XYLT1: variants seen among roughly 807,000 people sequenced by gnomAD.
XYLT1 encodes the protein xylosyltransferase 1, also known as beta-D-xylosyltransferase 1.
In XYLT1, 36 loss-of-function variants were observed where a neutral mutation model predicts 91.3. The observed-to-expected ratio is 0.39, with a 90% CI of 0.30 to 0.52. The LOEUF is 0.52. Ranked by LOEUF, XYLT1 falls within the 20% of genes least tolerant of loss-of-function variation. The pLI, the probability that XYLT1 is intolerant of heterozygous loss-of-function variation, is 0.68. For missense variants in XYLT1, 1,242 were observed against 1,284.5 expected (o/e 0.97, Z 0.51); for synonymous variants, 588 against 532.0 (o/e 1.11, Z -1.45).
intron 3 of XYLT1, among the ~76,000 whole-genome samples, chr16:17,205,644 G>T (rs769352741): frequency 1.3e-5 from 2 of 152,112 alleles, no homozygotes; most frequent in Non-Finnish European, 2.9e-5. Flanking sequence ...CGATGATCAG[G>T]ATTTAACCAA....
At chr16:17,129,577 A>AT (rs1028230350) in intron 9 of XYLT1, among the ~76,000 whole-genome samples, 3 of 151,990 alleles carry the variant, frequency 2.0e-5, no homozygotes, top group African/African-American at 7.3e-5. Flanking sequence ...AAAGCTTTTT[A>AT]TTTCCATAGG....
chr16:17,120,387 TC>T (rs2030005114), intron 10 of XYLT1, among the ~76,000 whole-genome samples: 1 of 151,942 alleles, frequency 6.6e-6, no homozygotes, highest in South Asian at 2.1e-4. Flanking sequence ...TCTATCCCTC[TC>T]CCTCCCTTCC....
At chr16:17,118,285 C>CGAAAAT (rs146083737) in intron 10 of XYLT1, among the ~76,000 whole-genome samples, 1 of 151,352 alleles carries the variant, frequency 6.6e-6, no homozygotes, top group Admixed American at 6.6e-5. Flanking sequence ...AATGAATGAA[C>CGAAAAT]GAATGAATGA....
chr16:17,224,616 T>C (rs1197100941), intron 3 of XYLT1, among the ~76,000 whole-genome samples: 2 of 152,168 alleles, frequency 1.3e-5, no homozygotes, highest in Non-Finnish European at 2.9e-5. Flanking sequence ...CTTGGGCAAA[T>C]GGCTTCATGA....
chr16:17,231,561 G>A (rs1193715602), intron 3 of XYLT1, among the ~76,000 whole-genome samples: 1 of 152,176 alleles, frequency 6.6e-6, no homozygotes, highest in African/African-American at 2.4e-5. Context: ...GGAGTGGATT[G>A]TTATGAGATT....
At chr16:17,353,950 G>T (rs1226569453) in intron 2 of XYLT1, among the ~76,000 whole-genome samples, 1 of 152,128 alleles carries the variant, frequency 6.6e-6, no homozygotes, top group South Asian at 2.1e-4. Context: ...CTGACCCTTA[G>T]GTACCTCATG....
intron 2 of XYLT1, 72 bp from the exon 3 acceptor site, chr16:17,259,570 GAGTGAGTC>G: frequency 1.3e-6 from 2 of 1,542,942 alleles, no homozygotes; most frequent in Non-Finnish European, 1.7e-6. Context: ...GGCCTTTGAA[GAGTGAGTC>G]ATACGGACTT....
At chr16:17,310,338 G>T (rs1187288778) in intron 2 of XYLT1, among the ~76,000 whole-genome samples, 1 of 152,128 alleles carries the variant, frequency 6.6e-6, no homozygotes, top group East Asian at 1.9e-4. Context: ...CCCGGGGAAA[G>T]GCTCCTGTTC....
rs73523163 is a variant in XYLT1 at position 17,246,046 on chromosome 16, C to T, written c.913+12942G>A. Among the ~76,000 whole-genome samples the T allele has an allele frequency of 3.7e-3, 561 of 152,312 alleles. 6 individuals carry two copies. Among genetic ancestry groups the T allele is most frequent in the African/African-American group, 0.013 (521 of 41,568 alleles). On this transcript the variant is annotated intron_variant, in intron 3 of 11. Coordinates refer to ENST00000261381, the MANE Select transcript of XYLT1 (RefSeq NM_022166.4). The stretch of plus-strand genomic sequence containing the variant: ...TAAGCTGCAAAGGGCTTGCTTCAGC[C>T]TGAATGCAGCTGCTCCTATAGACAC...
At chr16:17,359,108 C>T (rs892550601) in intron 1 of XYLT1, among the ~76,000 whole-genome samples, 30 of 152,106 alleles carry the variant, frequency 2.0e-4, no homozygotes, top group African/African-American at 7.0e-4. Flanking sequence ...GGAAACCCAG[C>T]ACATGAAGGC....
At chr16:17,268,047 T>C (rs1244727360) in intron 2 of XYLT1, among the ~76,000 whole-genome samples, 1 of 152,188 alleles carries the variant, frequency 6.6e-6, no homozygotes, top group Non-Finnish European at 1.5e-5. Context: ...AGGGGATCTT[T>C]AATGACAAAC....
At chr16:17,357,834 G>A (rs2035322794) in intron 2 of XYLT1, among the ~76,000 whole-genome samples, 178 bp downstream of exon 2, 2 of 152,228 alleles carry the variant, frequency 1.3e-5, no homozygotes, top group Non-Finnish European at 2.9e-5. Context: ...CCACACCATT[G>A]CACACACGTG....
Position 17,404,223 on chromosome 16 carries a change from A to T in XYLT1, c.364-46173T>A, listed in dbSNP as rs1310030319. Among the ~76,000 whole-genome samples the T allele has an allele frequency of 8.5e-5, 13 of 152,186 alleles. No homozygotes were observed. In the East Asian group the frequency reaches 2.5e-3, roughly 29 times the overall value. Reference sequence around the variant, plus strand: ...GACACAGCGAGCTGAGCAGCCCCTGATGAAACCAAAAGAGTCTCAGATCCT... The same window carrying T: ...GACACAGCGAGCTGAGCAGCCCCTGTTGAAACCAAAAGAGTCTCAGATCCT... On this transcript the variant is annotated intron_variant, in intron 1 of 11. Transcript: ENST00000261381.
intron 1 of XYLT1, among the ~76,000 whole-genome samples, chr16:17,452,279 T>C (rs1011065420): frequency 3.3e-5 from 5 of 151,600 alleles, no homozygotes; most frequent in African/African-American, 9.7e-5. Flanking sequence ...TTTCCTACTT[T>C]CTTTTGTTTG....
intron 5 of XYLT1, among the ~76,000 whole-genome samples, chr16:17,177,700 A>G (rs1012459592): frequency 3.9e-5 from 6 of 152,216 alleles, no homozygotes; most frequent in African/African-American, 1.4e-4. Flanking sequence ...TTGCAACCTG[A>G]GACAGACTTC....
At chr16:17,407,131 A>G (rs945851047) in intron 1 of XYLT1, among the ~76,000 whole-genome samples, 3 of 151,778 alleles carry the variant, frequency 2.0e-5, no homozygotes, top group Non-Finnish European at 4.4e-5. Flanking sequence ...CCTCCCAAGT[A>G]GCTGGGATTA....
intron 5 of XYLT1, among the ~76,000 whole-genome samples, chr16:17,166,577 T>C (rs1418222081): frequency 6.6e-6 from 1 of 151,808 alleles, no homozygotes; most frequent in Non-Finnish European, 1.5e-5. Context: ...AGTGGCACGA[T>C]CTCCGCTTAC....
At chr16:17,434,921 C>T (rs1405231821) in intron 1 of XYLT1, among the ~76,000 whole-genome samples, 1 of 151,892 alleles carries the variant, frequency 6.6e-6, no homozygotes, top group African/African-American at 2.4e-5. Flanking sequence ...ATCCCAACAA[C>T]ACAGGTGTGG....
chr16:17,251,970 CTG>C (rs2033547635), intron 3 of XYLT1, among the ~76,000 whole-genome samples: 1 of 151,976 alleles, frequency 6.6e-6, no homozygotes, highest in Non-Finnish European at 1.5e-5. Flanking sequence ...GCTACTGGGG[CTG>C]TGTCTGAAGA....
Sources: gnomAD v4.1 joint callset for allele counts (sites outside exome capture counted in the v4.1 genomes callset) on GRCh38, gnomAD v4.1.1 for gene constraint, MANE v1.5 for transcripts, NCBI Gene and HGNC (gene_info 2026-07-23, HGNC 2026-07-21) for gene names.